The following SCNN1G variants were observed in gnomAD, a reference collection of about 807,000 sequenced individuals.
The protein encoded by SCNN1G is sodium channel epithelial 1 subunit gamma, also known as epithelial sodium channel subunit gamma.
Under a neutral mutation model 64.6 loss-of-function variants are expected in SCNN1G, and 27 were observed. The observed-to-expected ratio is 0.42, with a 90% CI of 0.31 to 0.58. The LOEUF (loss-of-function observed/expected upper bound fraction) is 0.58. Among genes scored for constraint, SCNN1G ranks in the 20% least tolerant of loss-of-function variants. The probability of loss-of-function intolerance (pLI) is 0.18; values close to 1 mark genes in which losing one functional copy is unlikely to be tolerated. For missense variants in SCNN1G, 743 were observed against 823.4 expected (o/e 0.90, Z 1.19); for synonymous variants, 330 against 314.2 (o/e 1.05, Z -0.53).
In SCNN1G at chr16:23,189,263, A is replaced by G. The variant is rs939181444; in HGVS notation, c.318-108A>G. ...GTCTCCTCTGCCAAGGAGTTGGGAA[A>G]GGTGGGCATGAGGCTGACACGTGTT... On this transcript the variant is annotated intron_variant, in intron 2 of 12. Coordinates refer to ENST00000300061, the MANE Select transcript of SCNN1G (RefSeq NM_001039.4). 9.6e-6 allele frequency: 11 copies of G among 1,140,958 alleles called. No individual in the cohort carries two copies. The African/African-American group carries it at 1.4e-4, about 14-fold the overall frequency. 70.7% of individuals were successfully genotyped at this position (1,140,958 alleles called of 1,614,324 possible).
At chr16:23,212,259 G>A (rs1344594658) in intron 8 of SCNN1G, 108 bp downstream of exon 8, 3 of 779,678 alleles carry the variant, frequency 3.8e-6, no homozygotes, top group African/African-American at 3.4e-5. Flanking sequence ...GCGTGAGGGA[G>A]GTATTGGTTG....
At chr16:23,188,404 T>C (rs1959649111) in intron 2 of SCNN1G, among the ~76,000 whole-genome samples, 1 of 151,928 alleles carries the variant, frequency 6.6e-6, no homozygotes, top group African/African-American at 2.4e-5. Flanking sequence ...CCCAGCAACT[T>C]AGGAGGCTGA....
chr16:23,204,346 G>GAT (rs1567267195), intron 6 of SCNN1G, among the ~76,000 whole-genome samples: 5 of 117,048 alleles, frequency 4.3e-5, no homozygotes, highest in Non-Finnish European at 7.4e-5. Flanking sequence ...GAGAGAGAGA[G>GAT]AGAGAGAGAG....
intron 6 of SCNN1G, among the ~76,000 whole-genome samples, chr16:23,199,041 C>T (rs1959843236): frequency 2.0e-5 from 3 of 151,400 alleles, no homozygotes; most frequent in Non-Finnish European, 4.4e-5. Context: ...TTTTTAAGAA[C>T]TTATTTAAAG....
chr16:23,199,594 A>G (rs1596769282), intron 6 of SCNN1G, among the ~76,000 whole-genome samples: 2 of 152,052 alleles, frequency 1.3e-5, no homozygotes, highest in African/African-American at 2.4e-5. Context: ...ATCTGTCAAG[A>G]GAAAAATGGT....
At chr16:23,204,324 TATATATATATAGAG>T (rs1395706271) in intron 6 of SCNN1G, among the ~76,000 whole-genome samples, 29 of 67,496 alleles carry the variant, frequency 4.3e-4, no homozygotes, top group East Asian at 1.3e-3. Context: ...TATATATATA[TATATATATATAGAG>T]AGAGAGAGAG....
At chr16:23,193,068 T>C (rs1959735783) in intron 4 of SCNN1G, among the ~76,000 whole-genome samples, 2 of 22,992 alleles carry the variant, frequency 8.7e-5, no homozygotes, top group East Asian at 3.8e-3. Context: ...GACTCTTGTC[T>C]CAAAAAAAAA....
Position 23,215,606 on chromosome 16 carries a change from C to A in SCNN1G, c.*137C>A. 1.9e-6 allele frequency: 2 copies of A among 1,033,242 alleles called. No homozygotes were observed. The highest frequency in any genetic ancestry group is 2.9e-6 in the Non-Finnish European group (2 of 687,602). The allele number at this position is 1,033,242 out of a possible 1,614,324, so 64.0% of individuals were successfully genotyped here. ...TCAGATACTCTGACCAAAAAGCCTG[C>A]TTTAAACCGCAAGATGGGGCCTGGG... On this transcript the variant is annotated 3_prime_UTR_variant, in exon 13 of 13. Coordinates refer to ENST00000300061, the MANE Select transcript of SCNN1G (RefSeq NM_001039.4).
intron 6 of SCNN1G, among the ~76,000 whole-genome samples, chr16:23,201,659 G>T (rs1224605588): frequency 6.6e-6 from 1 of 152,178 alleles, no homozygotes; most frequent in Non-Finnish European, 1.5e-5. Context: ...GGTGTGTGAA[G>T]CTGGTAGGCT....
chr16:23,201,442 T>C (rs1270561284), intron 6 of SCNN1G, among the ~76,000 whole-genome samples: 1 of 152,038 alleles, frequency 6.6e-6, no homozygotes, highest in Non-Finnish European at 1.5e-5. Flanking sequence ...AGTTTTCTGC[T>C]ACACCTAATT....
At chr16:23,204,447 G>A (rs1160412393) in intron 6 of SCNN1G, among the ~76,000 whole-genome samples, 1 of 143,294 alleles carries the variant, frequency 7.0e-6, no homozygotes, top group African/African-American at 2.5e-5. Flanking sequence ...GGAAAAAGAG[G>A]GGTTAGGGAA....
At chr16:23,204,220 A>G (rs1236453174) in intron 6 of SCNN1G, among the ~76,000 whole-genome samples, 1 of 146,442 alleles carries the variant, frequency 6.8e-6, no homozygotes, top group Non-Finnish European at 1.5e-5. Context: ...CAGAGATTGC[A>G]ATGAGCTGTG....
rs776911713 is a variant in SCNN1G at position 23,194,197 on chromosome 16, T to C, written c.836T>C (p.Met279Thr). Residue 279 changes from methionine to threonine, a missense_variant, in exon 5 of 13, where the codon ATG (methionine) becomes ACG (threonine). Met to Thr is a moderately conservative substitution (Grantham distance 81). Transcript: ENST00000300061. The part of the protein sequence containing the change: ...ARNFTLFHHP[M>T]HGNCYTFNNR... ...AATTTCACGCTTTTCCACCACCCGA[T>C]GCATGGGAATTGCTATACTTTCAAC... The C allele has an allele frequency of 1.2e-5, 20 of 1,613,756 alleles. No homozygotes were observed. Among genetic ancestry groups the C allele is most frequent in the Non-Finnish European group, 1.5e-5 (18 of 1,179,840 alleles).
At chr16:23,212,529 C>A (rs1259432665) in intron 8 of SCNN1G, 149 bp from the exon 9 acceptor site, 1 of 740,244 alleles carries the variant, frequency 1.4e-6, no homozygotes, top group East Asian at 2.6e-5. Context: ...CCCAACATCA[C>A]AATGCAATAT....
intron 2 of SCNN1G, among the ~76,000 whole-genome samples, chr16:23,186,946 G>A (rs1201586474): frequency 1.3e-5 from 2 of 151,856 alleles, no homozygotes; most frequent in African/African-American, 4.8e-5. Context: ...CTACAGGGGT[G>A]TACCACAGCG....
At chr16:23,207,792 C>A (rs933537155) in intron 6 of SCNN1G, among the ~76,000 whole-genome samples, 1 of 152,124 alleles carries the variant, frequency 6.6e-6, no homozygotes, top group Non-Finnish European at 1.5e-5. Flanking sequence ...AATGGGTCAG[C>A]AGATGAAATG....
chr16:23,213,276 G>C, intron 11 of SCNN1G, 113 bp downstream of exon 11: 1 of 603,134 alleles, frequency 1.7e-6, no homozygotes. Flanking sequence ...TTTTTTTTAT[G>C]GAGTCTTACT....
At chr16:23,198,981 G>T (rs1371912785) in intron 6 of SCNN1G, among the ~76,000 whole-genome samples, 1 of 152,048 alleles carries the variant, frequency 6.6e-6, no homozygotes, top group Non-Finnish European at 1.5e-5. Context: ...TTGAGCCCAG[G>T]AGTTCAAGAC....
rs72647514 is a variant in SCNN1G at position 23,207,740 on chromosome 16, G to A, written c.1078-2010G>A. 7.2e-3 allele frequency among the ~76,000 whole-genome samples: 1,098 copies of A among 152,204 alleles called. 11 individuals carry two copies. Among genetic ancestry groups the A allele is most frequent in the Non-Finnish European group, 7.9e-3 (534 of 68,018 alleles). On this transcript the variant is annotated intron_variant, in intron 6 of 12. Transcript: ENST00000300061. ...GTTTAAACAGTTTTAAATGAGCATC[G>A]TCAATTGCCCTGGAGGTACTTGCAG...
Sources: allele counts gnomAD v4.1 joint callset (sites outside exome capture counted in the v4.1 genomes callset), GRCh38; gene constraint gnomAD v4.1.1; transcripts MANE v1.5; gene names NCBI Gene and HGNC (gene_info 2026-07-23, HGNC 2026-07-21).